The following PRR16 variants were observed in gnomAD, a reference collection of about 807,000 sequenced individuals.
PRR16 encodes protein Largen.
PRR16 carries 6 observed loss-of-function variants against 18.2 expected under a neutral mutation model. That is an observed-to-expected ratio of 0.33 (90% confidence interval 0.18 to 0.65). The LOEUF (loss-of-function observed/expected upper bound fraction) is 0.65, where lower values mean the gene tolerates loss of function less well. PRR16 is among the 30% of genes least tolerant of loss of function. PRR16 has a pLI of 0.74. For missense variants in PRR16, 412 were observed against 376.6 expected, an observed-to-expected ratio of 1.09 and a Z score of -0.78; for synonymous variants, 151 against 147.8, an observed-to-expected ratio of 1.02 and a Z score of -0.16.
intron 1 of PRR16, among the ~76,000 whole-genome samples, chr5:120,662,999 G>A (rs973033503): frequency 2.0e-5 from 3 of 152,048 alleles, no homozygotes; most frequent in African/African-American, 4.8e-5. Flanking sequence ...TATTCCTACT[G>A]TCCAGTGTGA....
chr5:120,719,705 T>C, the PRR16 span, among the ~76,000 whole-genome samples: 1 of 152,092 alleles, frequency 6.6e-6, no homozygotes, highest in Non-Finnish European at 1.5e-5. Flanking sequence ...AAAACTTTAA[T>C]TTAAATTTTC....
At position 120,686,488 on chromosome 5, in the gene PRR16, C is replaced by A; in HGVS notation, c.694C>A (p.His232Asn). 6.2e-7 allele frequency: 1 copy of A among 1,614,052 alleles called. No homozygotes were observed. Residue 232 changes from histidine to asparagine, a missense_variant, in exon 2 of 2, where the codon CAC becomes AAC. Coordinates refer to ENST00000407149, the MANE Select transcript of PRR16 (RefSeq NM_001300783.2). Reference protein sequence around the residue: ...TRYNIKNREVHLHSEPVHPPG... With the variant: ...TRYNIKNREVNLHSEPVHPPG... ...GTATAACATAAAAAACAGGGAGGTCCACTTACACAGTGAACCTGTCCACCC... is the reference window on the plus strand; with the variant it reads ...GTATAACATAAAAAACAGGGAGGTCAACTTACACAGTGAACCTGTCCACCC...
intron 1 of PRR16, among the ~76,000 whole-genome samples, chr5:120,506,181 C>T (rs947713106): frequency 1.3e-5 from 2 of 151,892 alleles, no homozygotes; most frequent in Admixed American, 1.3e-4. Context: ...CATGAGTTCT[C>T]ATTGAGTTAC....
intron 1 of PRR16, among the ~76,000 whole-genome samples, chr5:120,626,017 C>G (rs1301397101): frequency 6.6e-6 from 1 of 152,094 alleles, no homozygotes; most frequent in African/African-American, 2.4e-5. Flanking sequence ...CTATTAACCA[C>G]ACTATAATTC....
the PRR16 span, among the ~76,000 whole-genome samples, chr5:120,698,839 G>A: frequency 8.5e-5 from 13 of 152,210 alleles, no homozygotes; most frequent in Admixed American, 2.6e-4. Flanking sequence ...ATGGAGGACC[G>A]TAAAGGATAT....
chr5:120,726,866 T>C, the PRR16 span, among the ~76,000 whole-genome samples: 16 of 152,228 alleles, frequency 1.1e-4, no homozygotes, highest in African/African-American at 3.8e-4. Context: ...GCAAACTGCC[T>C]TGTTCTTCTA....
chr5:120,681,373 G>C (rs973507823), intron 1 of PRR16, among the ~76,000 whole-genome samples: 1 of 152,062 alleles, frequency 6.6e-6, no homozygotes, highest in Non-Finnish European at 1.5e-5. Context: ...ATCAGTATCA[G>C]ATAGATAATA....
chr5:120,471,373 A>C (rs1435801076), intron 1 of PRR16, among the ~76,000 whole-genome samples: 1 of 152,148 alleles, frequency 6.6e-6, no homozygotes, highest in East Asian at 1.9e-4. Flanking sequence ...AATACAAATA[A>C]TTTGGAATAT....
chr5:120,791,914 T>A, the PRR16 span, among the ~76,000 whole-genome samples: 1 of 152,138 alleles, frequency 6.6e-6, no homozygotes, highest in Admixed American at 6.6e-5. Flanking sequence ...AAAATTAGTT[T>A]GTTTTGCATG....
At chr5:120,740,121 C>T in the PRR16 span, among the ~76,000 whole-genome samples, 1 of 152,074 alleles carries the variant, frequency 6.6e-6, no homozygotes, top group African/African-American at 2.4e-5. Context: ...AATGGCAATG[C>T]CATTGAATAC....
At chr5:120,591,117 A>C (rs1419709389) in intron 1 of PRR16, among the ~76,000 whole-genome samples, 2 of 151,946 alleles carry the variant, frequency 1.3e-5, no homozygotes, top group Admixed American at 1.3e-4. Flanking sequence ...GTCTCTACTA[A>C]AAATGCAAAA....
At chr5:120,570,658 C>G (rs903260182) in intron 1 of PRR16, among the ~76,000 whole-genome samples, 5 of 152,060 alleles carry the variant, frequency 3.3e-5, no homozygotes, top group African/African-American at 1.2e-4. Flanking sequence ...TCAATCCCAA[C>G]TAGACAATAG....
the PRR16 span, among the ~76,000 whole-genome samples, chr5:120,791,571 T>G: frequency 6.8e-6 from 1 of 147,662 alleles, no homozygotes; most frequent in African/African-American, 2.5e-5. Context: ...AGAAGTCTGC[T>G]AAGAACTTCT....
At chr5:120,652,306 GT>G (rs1295933388) in intron 1 of PRR16, among the ~76,000 whole-genome samples, 4 of 151,950 alleles carry the variant, frequency 2.6e-5, no homozygotes, top group Non-Finnish European at 5.9e-5. Context: ...TTTCCTGTAG[GT>G]TTCTGTATAG....
the PRR16 span, among the ~76,000 whole-genome samples, chr5:120,730,952 T>G: frequency 6.6e-6 from 1 of 152,162 alleles, no homozygotes; most frequent in East Asian, 1.9e-4. Flanking sequence ...ACTGTTCATA[T>G]GGTCATTAGA....
chr5:120,695,131 C>T, the PRR16 span, among the ~76,000 whole-genome samples: 1 of 152,022 alleles, frequency 6.6e-6, no homozygotes, highest in African/African-American at 2.4e-5. Flanking sequence ...TATTTTCTAC[C>T]CGTTCAAACC....
the PRR16 span, among the ~76,000 whole-genome samples, chr5:120,707,094 A>C: frequency 6.6e-6 from 1 of 152,192 alleles, no homozygotes; most frequent in Non-Finnish European, 1.5e-5. Flanking sequence ...AGGGAAATCT[A>C]CAATTGAAGG....
At chr5:120,768,650 G>A in the PRR16 span, among the ~76,000 whole-genome samples, 10 of 151,758 alleles carry the variant, frequency 6.6e-5, no homozygotes, top group African/African-American at 2.2e-4. Flanking sequence ...ACAAAGGTTT[G>A]CAGAATTATT....
At position 120,606,793 on chromosome 5, in the gene PRR16, G is replaced by C. The variant is rs187106189; in HGVS notation, c.160-79161G>C. Among the ~76,000 whole-genome samples, 685 of 152,184 alleles carry C rather than the reference G, an allele frequency of 4.5e-3. 5 individuals carry two copies. Among genetic ancestry groups the C allele is most frequent in the African/African-American group, 0.016 (646 of 41,512 alleles). ...ATGGTAGAATATGCCTGTGGTGCCA[G>C]CTACTCAGCAGGCTGAGGTGGTAGG... On this transcript the variant is annotated intron_variant, in intron 1 of 1. Coordinates refer to ENST00000407149, the MANE Select transcript of PRR16 (RefSeq NM_001300783.2).
Sources: gnomAD v4.1 joint callset for allele counts (sites outside exome capture counted in the v4.1 genomes callset) on GRCh38, gnomAD v4.1.1 for gene constraint, MANE v1.5 for transcripts, NCBI Gene and HGNC (gene_info 2026-07-23, HGNC 2026-07-21) for gene names.